Variants in GALNT18 observed in about 807,000 individuals in gnomAD.
The protein encoded by GALNT18 is GalNAc-transferase 18.
GALNT18 carries 44 observed loss-of-function variants against 69.5 expected under a neutral mutation model. The ratio of observed to expected loss-of-function variants is 0.63; its 90% CI spans 0.50 to 0.81. The LOEUF is 0.81. Ranked by LOEUF, GALNT18 falls within the 40% of genes least tolerant of loss-of-function variation. The probability of loss-of-function intolerance (pLI) is 0.00; values close to 1 mark genes in which losing one functional copy is unlikely to be tolerated. For synonymous variants in GALNT18, 364 were observed against 318.2 expected, an observed-to-expected ratio of 1.14 and a Z score of -1.53; for missense variants, 715 against 810.0, an observed-to-expected ratio of 0.88 and a Z score of 1.42.
rs1459291983 is a variant in GALNT18, at chr11:11,582,404, A to G, written c.235+38955T>C. On this transcript the variant is annotated intron_variant, in intron 1 of 10. Transcript: ENST00000227756. The surrounding 1 kb of genome is among the most constrained non-coding windows in gnomAD (Gnocchi z 5.0). ...CCGTTGCCCCGTGGCTTGCAGTGCT[A>G]TCCAGTGGGGGATTCTGTGTCCCAT... Among the ~76,000 whole-genome samples, 2 of 152,236 alleles carry G rather than the reference A, an allele frequency of 1.3e-5. No individual in the cohort carries two copies. The highest frequency in any genetic ancestry group is 1.3e-4 in the Admixed American group (2 of 15,282).
rs1302616206 is a variant in GALNT18, at chr11:11,318,182, C to T, written c.1512+8904G>A. On this transcript the variant is annotated intron_variant, in intron 9 of 10. Transcript: ENST00000227756. The surrounding 1 kb of genome is among the most constrained non-coding windows in gnomAD (Gnocchi z 5.1). ...GGCCTAGAAAGTGAGAGTCAGGTTT[C>T]CATTTCCACTCTTCCCATTTGGAGG... Among the ~76,000 whole-genome samples the T allele has an allele frequency of 1.3e-5, 2 of 152,136 alleles. No individual in the cohort carries two copies. The highest frequency in any genetic ancestry group is 2.9e-5 in the Non-Finnish European group (2 of 68,034).
intron 9 of GALNT18, among the ~76,000 whole-genome samples, chr11:11,313,448 G>A (rs556253478): frequency 2.6e-5 from 4 of 152,198 alleles, no homozygotes; most frequent in Non-Finnish European, 5.9e-5. Context: ...AAGGAGAAGA[G>A]TATGCCTGGG....
At chr11:11,466,411 G>C (rs984980216) in intron 1 of GALNT18, among the ~76,000 whole-genome samples, 1 of 152,244 alleles carries the variant, frequency 6.6e-6, no homozygotes, top group Non-Finnish European at 1.5e-5. Context: ...CAAAGTACAT[G>C]TGCCACTTGA....
At chr11:11,486,670 C>T (rs1170063096) in intron 1 of GALNT18, among the ~76,000 whole-genome samples, 2 of 152,238 alleles carry the variant, frequency 1.3e-5, no homozygotes, top group African/African-American at 4.8e-5. Flanking sequence ...CAACGGCAGT[C>T]CCTGCCTTTT....
At position 11,463,221 on chromosome 11, in the gene GALNT18, CACACAG is replaced by C. The variant is rs1856084496; in HGVS notation, c.236-14291_236-14286del. 1.3e-5 allele frequency among the ~76,000 whole-genome samples: 2 copies of C among 149,588 alleles called. No individual in the cohort carries two copies. The highest frequency in any genetic ancestry group is 3.0e-5 in the Non-Finnish European group (2 of 67,404). ...AGACAGACAGACAGACACACACACA[CACACAG>C]AGAGAGAGAGAGAGAGTTCCAGAAG... On this transcript the variant is annotated intron_variant, in intron 1 of 10. Transcript: ENST00000227756. The surrounding 1 kb of genome is among the most constrained non-coding windows in gnomAD (Gnocchi z 4.2).
At chr11:11,298,149 T>C (rs1351292114) in intron 9 of GALNT18, among the ~76,000 whole-genome samples, 3 of 152,176 alleles carry the variant, frequency 2.0e-5, no homozygotes, top group African/African-American at 7.2e-5. Context: ...TCCTGCAGGA[T>C]ACCCTGGTCT....
At chr11:11,352,049 T>C (rs769579521) in intron 6 of GALNT18, 235 of 1,613,622 alleles carry the variant, frequency 1.5e-4, no homozygotes, top group Non-Finnish European at 1.9e-4. Flanking sequence ...GAGTTGGCAC[T>C]GAAGAAATCC....
intron 1 of GALNT18, among the ~76,000 whole-genome samples, chr11:11,531,501 G>A (rs186089161): frequency 2.6e-4 from 39 of 152,342 alleles, no homozygotes; most frequent in African/African-American, 7.5e-4. Flanking sequence ...CTCTGTGCCC[G>A]GGAAGGAGGC....
At chr11:11,560,179 G>A (rs867743427) in intron 1 of GALNT18, among the ~76,000 whole-genome samples, 11 of 148,578 alleles carry the variant, frequency 7.4e-5, no homozygotes, top group South Asian at 2.2e-4. Context: ...GGGATAGAAT[G>A]AGATATGATG....
At chr11:11,572,734 C>G (rs142464081) in intron 1 of GALNT18, among the ~76,000 whole-genome samples, 4 of 152,318 alleles carry the variant, frequency 2.6e-5, no homozygotes, top group Admixed American at 2.6e-4. Flanking sequence ...GCCCTCGCAA[C>G]CCTCGCCTTC....
At position 11,523,705 on chromosome 11, in the gene GALNT18, C is replaced by A. The variant is rs1468650643; in HGVS notation, c.236-74769G>T. Among the ~76,000 whole-genome samples, 1 of 148,914 alleles carries A rather than the reference C, an allele frequency of 6.7e-6. No individual in the cohort carries two copies. The highest frequency in any genetic ancestry group is 1.5e-5 in the Non-Finnish European group (1 of 67,482). ...CTGCACTCCAGCCTGGGCAACAGAG[C>A]GAGACTCCATCTCAAAAAAAAAAAA... On this transcript the variant is annotated intron_variant, in intron 1 of 10. Transcript: ENST00000227756. This position sits in a 1 kb window ranked among gnomAD's most constrained non-coding sequence, Gnocchi z 4.3.
intron 6 of GALNT18, among the ~76,000 whole-genome samples, chr11:11,368,667 C>T (rs977657066): frequency 3.9e-5 from 6 of 152,084 alleles, no homozygotes; most frequent in Non-Finnish European, 7.4e-5. Flanking sequence ...TTACATTTTT[C>T]ATGTTTGAAA....
In GALNT18 at chr11:11,271,614, C is replaced by CTTGCTCCCCATAGCCATCGGCTGGGTT. The variant is rs371477041; in HGVS notation, c.1678-325_1678-324insAACCCAGCCGATGGCTATGGGGAGCAA. ...ACAGCTCCTACCCCAGGGGCTGGGT[C>CTTGCTCCCCATAGCCATCGGCTGGGTT]CTTTCTCTGAAAAGCCTAGTTTCTT... On this transcript the variant is annotated intron_variant, in intron 10 of 10. Transcript: ENST00000227756. Among the ~76,000 whole-genome samples the CTTGCTCCCCATAGCCATCGGCTGGGTT allele has an allele frequency of 3.6e-3, 541 of 152,276 alleles. 1 individual carries two copies. Among genetic ancestry groups the CTTGCTCCCCATAGCCATCGGCTGGGTT allele is most frequent in the Middle Eastern group, 0.017 (5 of 294 alleles).
rs1854323286 is a variant in GALNT18, at chr11:11,396,237, G to A, written c.596-16973C>T. Among the ~76,000 whole-genome samples the A allele has an allele frequency of 6.6e-6, 1 of 152,200 alleles. No individual in the cohort carries two copies. The highest frequency in any genetic ancestry group is 1.5e-5 in the Non-Finnish European group (1 of 68,042). Reference sequence around the variant, plus strand: ...CAAAGAACTGGCACGACAGCGGCTGGGTCTGTCAGTGGTGTTCGCAAACAG... The same window carrying A: ...CAAAGAACTGGCACGACAGCGGCTGAGTCTGTCAGTGGTGTTCGCAAACAG... On this transcript the variant is annotated intron_variant, in intron 3 of 10. Coordinates refer to ENST00000227756, the MANE Select transcript of GALNT18 (RefSeq NM_198516.3). This position sits in a 1 kb window ranked among gnomAD's most constrained non-coding sequence, Gnocchi z 5.2.
intron 3 of GALNT18, among the ~76,000 whole-genome samples, chr11:11,409,426 G>A (rs1001065538): frequency 1.3e-5 from 2 of 152,302 alleles, no homozygotes; most frequent in East Asian, 3.9e-4. Context: ...GCAAGGCCTG[G>A]AGAGAGTTTG....
rs1271542498 is a variant in GALNT18 at position 11,432,055 on chromosome 11, C to T, written c.595+566G>A. Among the ~76,000 whole-genome samples the T allele has an allele frequency of 6.6e-6, 1 of 152,246 alleles. No homozygotes were observed. Among genetic ancestry groups the T allele is most frequent in the Non-Finnish European group, 1.5e-5 (1 of 68,016 alleles). On this transcript the variant is annotated intron_variant, in intron 3 of 10. Transcript: ENST00000227756. This position sits in a 1 kb window ranked among gnomAD's most constrained non-coding sequence, Gnocchi z 5.8. ...GCTTCAACAAGGTGTTTGCAGGCCA[C>T]CCAGGGTCTGGCTAGGGACAGATGG...
At chr11:11,607,214 A>G (rs2133955764) in intron 1 of GALNT18, among the ~76,000 whole-genome samples, 1 of 152,368 alleles carries the variant, frequency 6.6e-6, no homozygotes, top group South Asian at 2.1e-4. Context: ...TTTGCTAAAA[A>G]CAGCTGGCTC....
chr11:11,333,784 C>G (rs140522852), intron 7 of GALNT18, among the ~76,000 whole-genome samples: 18 of 152,182 alleles, frequency 1.2e-4, no homozygotes, highest in African/African-American at 3.9e-4. Flanking sequence ...AGAGAAGCCC[C>G]CTTCCTCATA....
chr11:11,428,175 C>T (rs1460753413), intron 3 of GALNT18, among the ~76,000 whole-genome samples: 1 of 152,224 alleles, frequency 6.6e-6, no homozygotes, highest in East Asian at 1.9e-4. Flanking sequence ...GAAGCAGCTC[C>T]CCGCGTGGAG....
Sources: allele counts gnomAD v4.1 joint callset (sites outside exome capture counted in the v4.1 genomes callset), GRCh38; gene constraint gnomAD v4.1.1; non-coding constraint Gnocchi (gnomAD v3.1); transcripts MANE v1.5; gene names NCBI Gene and HGNC (gene_info 2026-07-23, HGNC 2026-07-21).